Variants in GPC3 observed in about 807,000 individuals in gnomAD.
The protein encoded by GPC3 is glypican-3.
GPC3 carries 3 observed loss-of-function variants against 34.4 expected under a neutral mutation model. That is an observed-to-expected ratio of 0.09 (90% CI 0.04 to 0.23). GPC3 has a LOEUF of 0.23. Among genes scored for constraint, GPC3 ranks in the 10% least tolerant of loss-of-function variants. The pLI is 1.00. For missense variants in GPC3, 351 were observed against 445.6 expected (o/e 0.79, Z 1.91); for synonymous variants, 177 against 174.0 (o/e 1.02, Z -0.13).
intron 2 of GPC3, among the ~76,000 whole-genome samples, chrX:133,758,958 T>C (rs372836741): frequency 9.0e-6 from 1 of 111,230 alleles, no homozygotes; most frequent in Non-Finnish European, 1.9e-5. Context: ...GGTGAGCAAC[T>C]GCATGCTTTC....
intron 6 of GPC3, among the ~76,000 whole-genome samples, chrX:133,614,481 A>C (rs907294353): frequency 9.0e-6 from 1 of 110,763 alleles, no homozygotes; most frequent in Non-Finnish European, 1.9e-5. Flanking sequence ...AAAAAAAAAA[A>C]CTGTCATCTA....
chrX:133,800,156 C>A (rs747172414), intron 2 of GPC3, among the ~76,000 whole-genome samples: 4 of 112,116 alleles, frequency 3.6e-5, no homozygotes, highest in Non-Finnish European at 7.5e-5. Context: ...AGTGCAAAAA[C>A]CAATAACTAA....
At chrX:133,700,490 A>AT (rs1217216717) in intron 3 of GPC3, among the ~76,000 whole-genome samples, 3 of 111,325 alleles carry the variant, frequency 2.7e-5, no homozygotes, top group Non-Finnish European at 5.7e-5. Context: ...TTCTATGAGT[A>AT]TTTTTTTATA....
At position 133,899,024 on chromosome X, in the gene GPC3, A is replaced by G. The variant is rs142088079; in HGVS notation, c.337+54026T>C. Among the ~76,000 whole-genome samples the G allele has an allele frequency of 3.4e-3, 383 of 112,158 alleles. 1 individual carries two copies. The highest frequency in any genetic ancestry group is 0.012 in the African/African-American group (358 of 30,884). ...TGTATATGTTTGGTCTCAACTTAGTAAACGGCTCAAAGGCACACACATGTT... is the reference window on the plus strand; with the variant it reads ...TGTATATGTTTGGTCTCAACTTAGTGAACGGCTCAAAGGCACACACATGTT... On this transcript the variant is annotated intron_variant, in intron 2 of 7. Coordinates refer to ENST00000370818, the MANE Select transcript of GPC3 (RefSeq NM_004484.4).
At chrX:133,932,019 T>G (rs58396052) in intron 2 of GPC3, among the ~76,000 whole-genome samples, 1,700 of 112,281 alleles carry the variant, frequency 0.015, 24 homozygotes, top group African/African-American at 0.052. Flanking sequence ...ACTGGAGGAC[T>G]GCTTCCTTCT....
At chrX:133,690,967 T>C (rs1274750313) in intron 5 of GPC3, among the ~76,000 whole-genome samples, 1 of 111,886 alleles carries the variant, frequency 8.9e-6, no homozygotes, top group African/African-American at 3.2e-5. Flanking sequence ...ATTTAATTTT[T>C]TAATCGCAAG....
intron 2 of GPC3, among the ~76,000 whole-genome samples, chrX:133,916,987 C>T (rs2076227880): frequency 9.0e-6 from 1 of 111,718 alleles, no homozygotes; most frequent in Admixed American, 9.5e-5. Flanking sequence ...CATTTCCTAG[C>T]ATTATGTCCA....
intron 2 of GPC3, among the ~76,000 whole-genome samples, chrX:133,832,382 A>G (rs750267704): frequency 5.5e-5 from 6 of 109,740 alleles, no homozygotes; most frequent in Non-Finnish European, 7.6e-5. Flanking sequence ...GCTGTTAACC[A>G]TGAAACTACA....
intron 7 of GPC3, among the ~76,000 whole-genome samples, chrX:133,540,909 T>G (rs979048405): frequency 1.1e-5 from 1 of 94,016 alleles, no homozygotes. Flanking sequence ...GAATGGACAT[T>G]GTTGTGGTGT....
chrX:133,899,641 C>G (rs2076135312), intron 2 of GPC3, among the ~76,000 whole-genome samples: 1 of 111,227 alleles, frequency 9.0e-6, no homozygotes, highest in Non-Finnish European at 1.9e-5. Context: ...CACCACTACC[C>G]AACCCAGAAG....
In GPC3 at chrX:133,908,040, C is replaced by A. The variant is rs186185657; in HGVS notation, c.337+45010G>T. 4.5e-3 allele frequency among the ~76,000 whole-genome samples: 498 copies of A among 110,794 alleles called. 2 individuals are homozygous for A. The highest frequency in any genetic ancestry group is 0.016 in the African/African-American group (475 of 30,481). On this transcript the variant is annotated intron_variant, in intron 2 of 7. Coordinates refer to ENST00000370818, the MANE Select transcript of GPC3 (RefSeq NM_004484.4). Reference sequence around the variant, plus strand: ...TCCTTGATACTAGTGCCAGAACTTTCTCCTATTTTAAAAAAATGCTCCTTT... The same window carrying A: ...TCCTTGATACTAGTGCCAGAACTTTATCCTATTTTAAAAAAATGCTCCTTT...
intron 3 of GPC3, among the ~76,000 whole-genome samples, chrX:133,703,974 A>C (rs2071190973): frequency 8.9e-6 from 1 of 112,424 alleles, no homozygotes. Context: ...ATAGAAGAAA[A>C]ATCACCAAAA....
chrX:133,571,449 G>A (rs1030611509), intron 7 of GPC3, among the ~76,000 whole-genome samples: 2 of 110,700 alleles, frequency 1.8e-5, no homozygotes, highest in South Asian at 3.9e-4. Context: ...TGCAAGCTCC[G>A]CCTCTGGGGT....
intron 1 of GPC3, among the ~76,000 whole-genome samples, chrX:133,967,226 G>A (rs1301372904): frequency 8.9e-6 from 1 of 112,376 alleles, no homozygotes; most frequent in Non-Finnish European, 1.9e-5. Flanking sequence ...ACACATAAAA[G>A]ATTTTTCAAT....
At chrX:133,568,574 A>G (rs955831397) in intron 7 of GPC3, among the ~76,000 whole-genome samples, 4 of 112,148 alleles carry the variant, frequency 3.6e-5, no homozygotes, top group African/African-American at 1.3e-4. Context: ...CTATTGTGTT[A>G]CAGTGTCTCA....
chrX:133,639,051 C>G (rs1199570079), intron 6 of GPC3, among the ~76,000 whole-genome samples: 1 of 111,009 alleles, frequency 9.0e-6, no homozygotes, highest in South Asian at 3.8e-4. Flanking sequence ...TTATCCCAAC[C>G]TCATCTCCCA....
At chrX:133,542,321 C>T (rs914295702) in intron 7 of GPC3, among the ~76,000 whole-genome samples, 2 of 111,279 alleles carry the variant, frequency 1.8e-5, no homozygotes, top group Non-Finnish European at 3.8e-5. Flanking sequence ...AGTTGCTGGA[C>T]CTGGGGTGCA....
At chrX:133,790,117 G>T (rs867927486) in intron 2 of GPC3, among the ~76,000 whole-genome samples, 1 of 110,281 alleles carries the variant, frequency 9.1e-6, no homozygotes, top group African/African-American at 3.3e-5. Context: ...AGAAGAAATG[G>T]ATATCAGCCA....
chrX:133,627,504 G>A (rs889503053), intron 6 of GPC3, among the ~76,000 whole-genome samples: 1 of 111,385 alleles, frequency 9.0e-6, no homozygotes, highest in Non-Finnish European at 1.9e-5. Flanking sequence ...GGCATAGGAG[G>A]TTGTTATATT....
Sources: allele counts gnomAD v4.1 joint callset (sites outside exome capture counted in the v4.1 genomes callset), GRCh38; gene constraint gnomAD v4.1.1; transcripts MANE v1.5; gene names NCBI Gene and HGNC (gene_info 2026-07-23, HGNC 2026-07-21).